CSMD1: variants seen among roughly 807,000 people sequenced by gnomAD.
CSMD1 encodes the protein CUB and sushi domain-containing protein 1.
CSMD1 carries 213 observed loss-of-function variants against 417.5 expected under a neutral mutation model. That is an observed-to-expected ratio of 0.51 (90% CI 0.46 to 0.57). The LOEUF is 0.57. Among genes scored for constraint, CSMD1 ranks in the 20% least tolerant of loss-of-function variants. The pLI, the probability that CSMD1 is intolerant of heterozygous loss-of-function variation, is 0.00. For missense variants in CSMD1, 6,923 were observed against 4,529.7 expected, an observed-to-expected ratio of 1.53 and a Z score of -15.17; for synonymous variants, 2,862 against 1,736.8, an observed-to-expected ratio of 1.65 and a Z score of -16.11.
chr8:4,516,395 A>C (rs567053541), intron 2 of CSMD1, among the ~76,000 whole-genome samples: 3 of 152,176 alleles, frequency 2.0e-5, no homozygotes, highest in Non-Finnish European at 4.4e-5. Context: ...GCCTGAGACT[A>C]ACACAGACTC....
At chr8:4,799,017 C>T (rs1233580021) in intron 1 of CSMD1, among the ~76,000 whole-genome samples, 1 of 152,166 alleles carries the variant, frequency 6.6e-6, no homozygotes, top group Non-Finnish European at 1.5e-5. Flanking sequence ...CCTCTGATAT[C>T]CAGGGGGGTT....
At chr8:3,434,026 A>C (rs940146102) in intron 12 of CSMD1, among the ~76,000 whole-genome samples, 1 of 152,192 alleles carries the variant, frequency 6.6e-6, no homozygotes, top group African/African-American at 2.4e-5. Context: ...CTTTCTCATG[A>C]ACTACAACAA....
intron 5 of CSMD1, among the ~76,000 whole-genome samples, chr8:3,783,680 G>A (rs1799300747): frequency 6.6e-6 from 1 of 152,226 alleles, no homozygotes; most frequent in South Asian, 2.1e-4. Flanking sequence ...TGCTGGTTCA[G>A]CAGTCAAACG....
At position 4,135,343 on chromosome 8, in the gene CSMD1, A is replaced by C. The variant is rs541048047; in HGVS notation, c.416-103244T>G. 2.1e-4 allele frequency among the ~76,000 whole-genome samples: 6 copies of C among 28,142 alleles called. No homozygotes were observed. The East Asian group carries it at 0.013, about 61-fold the overall frequency. 18.5% of individuals were successfully genotyped at this position (28,142 alleles called of 152,430 possible). A position where few individuals can be genotyped will look rare whatever the true frequency, so the allele number is the denominator to read the frequency against. On this transcript the variant is annotated intron_variant, in intron 3 of 69. Coordinates refer to ENST00000635120, the MANE Select transcript of CSMD1 (RefSeq NM_033225.6). ...AGGAGCGAAGGAAGGGGAAAGAAGGAAGGAAGGGAAAGGAGGGAAGGAAGG... is the reference window on the plus strand; with the variant it reads ...AGGAGCGAAGGAAGGGGAAAGAAGGCAGGAAGGGAAAGGAGGGAAGGAAGG...
chr8:4,164,748 T>A (rs1326261146), intron 3 of CSMD1, among the ~76,000 whole-genome samples: 2 of 152,066 alleles, frequency 1.3e-5, no homozygotes, highest in African/African-American at 4.8e-5. Flanking sequence ...ATACAGTTTG[T>A]GCCTGTAGTC....
chr8:3,312,316 C>A (rs1338077824), intron 23 of CSMD1, among the ~76,000 whole-genome samples: 1 of 152,148 alleles, frequency 6.6e-6, no homozygotes, highest in Non-Finnish European at 1.5e-5. Context: ...CCAGCTGTCT[C>A]CTTTTTTTCT....
At chr8:3,524,019 G>GCA (rs745673703) in intron 10 of CSMD1, among the ~76,000 whole-genome samples, 71 of 107,576 alleles carry the variant, frequency 6.6e-4, no homozygotes, top group East Asian at 4.6e-3. Context: ...ATGTGCACGT[G>GCA]CACACACACA....
chr8:3,290,086 G>C lies in CSMD1; in HGVS notation c.3951-5740C>G, dbSNP rs534094061. 2.4e-3 allele frequency among the ~76,000 whole-genome samples: 360 copies of C among 146,996 alleles called. 61 individuals are homozygous for C. Among genetic ancestry groups the C allele is most frequent in the African/African-American group, 9.0e-3 (333 of 36,966 alleles). The stretch of plus-strand genomic sequence containing the variant: ...CAGCACCATTTATTAAATAGGGAAT[G>C]CTTTCCCCATTGCTTGTTTTTGTCA... On this transcript the variant is annotated intron_variant, in intron 25 of 69. Coordinates refer to ENST00000635120, the MANE Select transcript of CSMD1 (RefSeq NM_033225.6).
In CSMD1 at chr8:3,698,180, T is replaced by G. The variant is rs192943059; in HGVS notation, c.1009+10234A>C. Among the ~76,000 whole-genome samples the G allele has an allele frequency of 2.6e-3, 401 of 152,316 alleles. 2 individuals carry two copies. The highest frequency in any genetic ancestry group is 9.0e-3 in the African/African-American group (373 of 41,572). On this transcript the variant is annotated intron_variant, in intron 7 of 69. Coordinates refer to ENST00000635120, the MANE Select transcript of CSMD1 (RefSeq NM_033225.6). ...GACAGCAGTCCCCTTCACAGCAATA[T>G]TTTCCATAGCACTTGAAAAGATATT...
intron 5 of CSMD1, among the ~76,000 whole-genome samples, chr8:3,790,605 T>G (rs753477321): frequency 1.3e-5 from 2 of 152,174 alleles, no homozygotes; most frequent in Admixed American, 6.5e-5. Context: ...ACACAACAAT[T>G]ACATTTCACA....
chr8:3,959,018 C>G (rs2627495), intron 5 of CSMD1, among the ~76,000 whole-genome samples: 74,350 of 151,748 alleles, frequency 0.49, 18,625 homozygotes, highest in East Asian at 0.79. Flanking sequence ...CCCTACTCTG[C>G]GGCGGCTTCT....
chr8:4,355,029 G>A (rs949953607), intron 3 of CSMD1, among the ~76,000 whole-genome samples: 4 of 151,890 alleles, frequency 2.6e-5, no homozygotes, highest in Non-Finnish European at 5.9e-5. Context: ...TTGGGAGGCC[G>A]AGGCGGGCGG....
rs185154196 is a variant in CSMD1, at chr8:4,355,321, A to G, written c.415+64632T>C. Among the ~76,000 whole-genome samples, 504 of 132,704 alleles carry G rather than the reference A, an allele frequency of 3.8e-3. 22 individuals carry two copies. In the East Asian group the frequency reaches 0.11, roughly 29 times the overall value. The allele number at this position is 132,704 out of a possible 152,430, so 87.1% of individuals were successfully genotyped here. A position where few individuals can be genotyped will look rare whatever the true frequency, so the allele number is the denominator to read the frequency against. On this transcript the variant is annotated intron_variant, in intron 3 of 69. Coordinates refer to ENST00000635120, the MANE Select transcript of CSMD1 (RefSeq NM_033225.6). Reference sequence around the variant, plus strand: ...AACCACTTCATACACACACACACACACACGCACACACACACACGTATATAT... The same window carrying G: ...AACCACTTCATACACACACACACACGCACGCACACACACACACGTATATAT...
chr8:3,409,064 G>C (rs191330840), intron 13 of CSMD1, among the ~76,000 whole-genome samples: 2 of 152,236 alleles, frequency 1.3e-5, no homozygotes, highest in East Asian at 1.9e-4. Flanking sequence ...TTGTGTTTAA[G>C]TGTTATACAG....
chr8:3,529,142 T>C (rs1345964717), intron 10 of CSMD1, among the ~76,000 whole-genome samples: 3 of 152,210 alleles, frequency 2.0e-5, no homozygotes, highest in East Asian at 1.9e-4. Flanking sequence ...TATCCAATTG[T>C]GTAGTAAAGA....
At chr8:3,476,523 G>C (rs1444476765) in intron 11 of CSMD1, among the ~76,000 whole-genome samples, 1 of 152,100 alleles carries the variant, frequency 6.6e-6, no homozygotes, top group African/African-American at 2.4e-5. Flanking sequence ...CTATCTTCCA[G>C]AATGGCGGTA....
At chr8:3,715,469 A>G (rs1801778439) in intron 6 of CSMD1, among the ~76,000 whole-genome samples, 1 of 152,100 alleles carries the variant, frequency 6.6e-6, no homozygotes, top group South Asian at 2.1e-4. Flanking sequence ...TTTCTGCATG[A>G]TTAACCCAAT....
At chr8:4,832,783 A>G (rs1349180725) in intron 1 of CSMD1, among the ~76,000 whole-genome samples, 1 of 152,128 alleles carries the variant, frequency 6.6e-6, no homozygotes, top group East Asian at 1.9e-4. Context: ...TAAAAAGTGG[A>G]CCCAGAGAGC....
At chr8:3,151,631 C>T (rs1274224075) in intron 39 of CSMD1, 118 bp from the exon 40 acceptor site, 12 of 652,406 alleles carry the variant, frequency 1.8e-5, no homozygotes, top group Middle Eastern at 5.2e-4. Flanking sequence ...TTAATTCTGC[C>T]CCTAATTACA....
Sources: gnomAD v4.1 joint callset for allele counts (sites outside exome capture counted in the v4.1 genomes callset) on GRCh38, gnomAD v4.1.1 for gene constraint, MANE v1.5 for transcripts, NCBI Gene and HGNC (gene_info 2026-07-23, HGNC 2026-07-21) for gene names.